RFLNA: variants seen among roughly 807,000 people sequenced by gnomAD.
The protein encoded by RFLNA is refilin-A.
Under a neutral mutation model 7.8 loss-of-function variants are expected in RFLNA, and 5 were observed. The ratio of observed to expected loss-of-function variants is 0.64; its 90% CI spans 0.34 to 1.35. The LOEUF is 1.35. Ranked by LOEUF, RFLNA falls within the 40% of genes most tolerant of loss-of-function variation. The pLI, the probability that RFLNA is intolerant of heterozygous loss-of-function variation, is 0.04. For missense variants in RFLNA, 278 were observed against 305.5 expected, an observed-to-expected ratio of 0.91 and a Z score of 0.67; for synonymous variants, 141 against 131.3, an observed-to-expected ratio of 1.07 and a Z score of -0.50.
rs115451914 is a variant in RFLNA at position 124,313,919 on chromosome 12, C to G, written c.318-273C>G. On this transcript the variant is annotated intron_variant, in intron 2 of 2. Coordinates refer to ENST00000546355, the MANE Select transcript of RFLNA (RefSeq NM_001365156.1). Reference sequence around the variant, plus strand: ...CACGGCTCAGTTTCACCCATCGTCCCGATAAGGTCCTTTCCTGGCTTACTT... The same window carrying G: ...CACGGCTCAGTTTCACCCATCGTCCGGATAAGGTCCTTTCCTGGCTTACTT... 4.5e-3 allele frequency among the ~76,000 whole-genome samples: 685 copies of G among 152,298 alleles called. 7 individuals carry two copies. The highest frequency in any genetic ancestry group is 0.015 in the African/African-American group (642 of 41,562).
chr12:124,305,331 G>T (rs1191164728), intron 1 of RFLNA, among the ~76,000 whole-genome samples: 4 of 152,216 alleles, frequency 2.6e-5, no homozygotes, highest in South Asian at 2.1e-4. Context: ...GCCGAAGCCT[G>T]GGAGGCGGGT....
intron 1 of RFLNA, among the ~76,000 whole-genome samples, chr12:124,307,710 T>C (rs1412271704): frequency 1.3e-5 from 2 of 152,178 alleles, no homozygotes; most frequent in Non-Finnish European, 2.9e-5. Context: ...TTGTCGACTT[T>C]TAGCATGTGG....
rs1415780415 is a variant in RFLNA at position 124,312,030 on chromosome 12, G to C, written c.317+103G>C. 2.3e-6 allele frequency: 3 copies of C among 1,330,214 alleles called. No homozygotes were observed. In the African/African-American group the frequency reaches 4.6e-5, roughly 20 times the overall value. 82.4% of individuals were successfully genotyped at this position (1,330,214 alleles called of 1,614,324 possible). On this transcript the variant is annotated intron_variant, in intron 2 of 2. Coordinates refer to ENST00000546355, the MANE Select transcript of RFLNA (RefSeq NM_001365156.1). ...GGGTGGGGACTAGGCCAAGCTGGGGGCTCAGGAGGCTCCCTACCCTCCAGG... is the reference window on the plus strand; with the variant it reads ...GGGTGGGGACTAGGCCAAGCTGGGGCCTCAGGAGGCTCCCTACCCTCCAGG...
At chr12:124,308,594 T>C (rs1221078236) in intron 1 of RFLNA, among the ~76,000 whole-genome samples, 1 of 152,006 alleles carries the variant, frequency 6.6e-6, no homozygotes, top group East Asian at 1.9e-4. Flanking sequence ...AGGGAGAGGG[T>C]CTGCAGGTTT....
intron 1 of RFLNA, among the ~76,000 whole-genome samples, chr12:124,300,748 ATGG>A: frequency 7.3e-6 from 1 of 136,592 alleles, no homozygotes; most frequent in Non-Finnish European, 1.6e-5. Context: ...GGATGGATGG[ATGG>A]ATGGATGGAT....
Position 124,289,597 on chromosome 12 carries a change from G to T in RFLNA, c.-37+227G>T, listed in dbSNP as rs1358235475. Among the ~76,000 whole-genome samples the T allele has an allele frequency of 6.6e-6, 1 of 152,230 alleles. No individual in the cohort carries two copies. The highest frequency in any genetic ancestry group is 1.5e-5 in the Non-Finnish European group (1 of 68,046). On this transcript the variant is annotated intron_variant, in intron 1 of 2. Coordinates refer to the RFLNA transcript ENST00000324038. This position sits in a 1 kb window ranked among gnomAD's most constrained non-coding sequence, Gnocchi z 5.0. ...CCGCTTCCCTGTCTTAGTAGGGCAG[G>T]TGGTCAAGAGCTGGTTTTATGAGTG... is the stretch of plus-strand genomic sequence containing the variant.
chr12:124,307,796 T>G (rs1338255762), intron 1 of RFLNA, among the ~76,000 whole-genome samples: 1 of 152,140 alleles, frequency 6.6e-6, no homozygotes, highest in African/African-American at 2.4e-5. Flanking sequence ...AACAGAACTC[T>G]ATTCTCGCAC....
chr12:124,312,040 C>T lies in RFLNA; in HGVS notation c.317+113C>T, dbSNP rs1011092728. 8 of 1,266,090 alleles carry T rather than the reference C, an allele frequency of 6.3e-6. No homozygotes were observed. The Middle Eastern group carries it at 8.3e-4, about 132-fold the overall frequency. The allele number at this position is 1,266,090 out of a possible 1,614,324, so 78.4% of individuals were successfully genotyped here. ...TAGGCCAAGCTGGGGGCTCAGGAGG[C>T]TCCCTACCCTCCAGGCAGCCCCTCT... On this transcript the variant is annotated intron_variant, in intron 2 of 2. Coordinates refer to ENST00000546355, the MANE Select transcript of RFLNA (RefSeq NM_001365156.1).
intron 2 of RFLNA, among the ~76,000 whole-genome samples, chr12:124,312,952 G>C (rs2034279909): frequency 6.6e-6 from 1 of 152,118 alleles, no homozygotes; most frequent in South Asian, 2.1e-4. Flanking sequence ...CATATCTATG[G>C]GGCTCTCTCC....
intron 1 of RFLNA, among the ~76,000 whole-genome samples, chr12:124,304,728 C>T (rs1380147104): frequency 2.6e-5 from 4 of 152,246 alleles, no homozygotes; most frequent in Admixed American, 2.6e-4. Context: ...GCCTCTCTCT[C>T]CCTCCAGCCC....
At chr12:124,299,399 T>C (rs1409123498) in intron 1 of RFLNA, among the ~76,000 whole-genome samples, 1 of 152,234 alleles carries the variant, frequency 6.6e-6, no homozygotes, top group South Asian at 2.1e-4. Context: ...AGGTGGTATT[T>C]GGTGACATGA....
Position 124,314,447 on chromosome 12 carries a change from C to CCGCT in RFLNA, c.574_577dup (p.Trp193SerfsTer51). 6.2e-7 allele frequency: 1 copy of CCGCT among 1,601,888 alleles called. No homozygotes were observed. Among genetic ancestry groups the CCGCT allele is most frequent in the Non-Finnish European group, 8.5e-7 (1 of 1,179,640 alleles). Reference sequence around the variant, plus strand: ...TGCACTGCAGCCTGGGCCGGCCCAGCCGCTGGTTCACCGCCAGCGTGCAGC... The same window carrying CCGCT: ...TGCACTGCAGCCTGGGCCGGCCCAGCCGCTCGCTGGTTCACCGCCAGCGTGCAGC... On this transcript the variant is annotated frameshift_variant, in exon 3 of 3. Transcript: ENST00000546355. LOFTEE classifies it low-confidence loss of function (END_TRUNC).
chr12:124,311,844 G>T lies in RFLNA; in HGVS notation c.234G>T (p.Pro78=), dbSNP rs201716233. 3 of 1,597,368 alleles carry T rather than the reference G, an allele frequency of 1.9e-6. No homozygotes were observed. Among genetic ancestry groups the T allele is most frequent in the Non-Finnish European group, 2.6e-6 (3 of 1,172,722 alleles). ...RAPPSQLPNP[P]ASEMRPRMLP... Reference sequence around the variant, plus strand: ...CCCCCTCCCAACTCCCAAATCCCCCGGCGTCGGAGATGAGGCCCCGGATGC... The same window carrying T: ...CCCCCTCCCAACTCCCAAATCCCCCTGCGTCGGAGATGAGGCCCCGGATGC... Residue 78 remains proline (P), a synonymous_variant, in exon 2 of 3, where the codon CCG becomes CCT. Transcript: ENST00000546355.
chr12:124,290,212 ATG>A (rs1236063685), upstream of RFLNA, among the ~76,000 whole-genome samples: 2 of 152,016 alleles, frequency 1.3e-5, no homozygotes, highest in Admixed American at 6.5e-5. This position sits in a 1 kb window ranked among gnomAD's most constrained non-coding sequence, Gnocchi z 4.0. Flanking sequence ...GTATATGCAT[ATG>A]TGTGTGTGTA....
At chr12:124,309,750 TC>T (rs1191846300) in intron 1 of RFLNA, among the ~76,000 whole-genome samples, 2 of 152,190 alleles carry the variant, frequency 1.3e-5, no homozygotes, top group Non-Finnish European at 1.5e-5. Flanking sequence ...CCTCATAACA[TC>T]CCCAATCTCA....
chr12:124,291,416 G>A (rs1300754172), upstream of RFLNA, among the ~76,000 whole-genome samples: 2 of 152,026 alleles, frequency 1.3e-5, no homozygotes. Flanking sequence ...CACCACACCT[G>A]GCTAATTTTT....
intron 1 of RFLNA, among the ~76,000 whole-genome samples, chr12:124,310,787 A>G (rs954909177): frequency 1.3e-5 from 2 of 152,080 alleles, no homozygotes; most frequent in African/African-American, 4.8e-5. Context: ...AGGGGAACAG[A>G]GAGTGCTTTC....
In RFLNA at chr12:124,314,232, C is replaced by T. The variant is rs2034305695; in HGVS notation, c.358C>T (p.Gln120Ter). 1 of 1,613,324 alleles carries T rather than the reference C, an allele frequency of 6.2e-7. No homozygotes were observed. The highest frequency in any genetic ancestry group is 8.5e-7 in the Non-Finnish European group (1 of 1,179,772). The part of the protein sequence containing the change: ...EVKYASEKHF[Q>*]DKVFYAPVPT... ...CAAGTACGCCTCGGAGAAGCATTTC[C>T]AGGACAAGGTCTTCTATGCGCCCGT... The change falls in exon 3 of 3, where the codon CAG (glutamine) becomes TAG (stop). Residue 120 changes from glutamine (Q) to a stop codon, truncating the protein, a stop_gained. Coordinates refer to ENST00000546355, the MANE Select transcript of RFLNA (RefSeq NM_001365156.1). LOFTEE classifies it low-confidence loss of function (END_TRUNC).
chr12:124,301,819 C>T (rs902190240), intron 1 of RFLNA, among the ~76,000 whole-genome samples: 16 of 152,184 alleles, frequency 1.1e-4, no homozygotes, highest in African/African-American at 3.9e-4. Flanking sequence ...CTGTTATTGG[C>T]TGGCAGAGCT....
Sources: allele counts gnomAD v4.1 joint callset (sites outside exome capture counted in the v4.1 genomes callset), GRCh38; gene constraint gnomAD v4.1.1; non-coding constraint Gnocchi (gnomAD v3.1); transcripts MANE v1.5; gene names NCBI Gene and HGNC (gene_info 2026-07-23, HGNC 2026-07-21).